The following SYNPR variants were observed in gnomAD, a reference collection of about 807,000 sequenced individuals.
SYNPR encodes the protein synaptoporin.
In SYNPR, 23 loss-of-function variants were observed where a neutral mutation model predicts 32.9. The ratio of observed to expected loss-of-function variants is 0.70; its 90% CI spans 0.50 to 0.99. The LOEUF (loss-of-function observed/expected upper bound fraction) is 0.99. Among genes scored for constraint, SYNPR ranks in the 50% least tolerant of loss-of-function variants. The pLI is 0.00. For missense variants in SYNPR, 318 were observed against 349.3 expected (o/e 0.91, Z 0.71); for synonymous variants, 146 against 135.9 (o/e 1.07, Z -0.52).
chr3:63,252,342 A>G (rs1261157328), intron 1 of SYNPR, among the ~76,000 whole-genome samples: 1 of 152,190 alleles, frequency 6.6e-6, no homozygotes, highest in Non-Finnish European at 1.5e-5. Flanking sequence ...TTGTCTTTAC[A>G]TCATGTTTAG....
chr3:63,494,911 T>C (rs932863398), intron 3 of SYNPR, among the ~76,000 whole-genome samples: 7 of 152,162 alleles, frequency 4.6e-5, no homozygotes, highest in Middle Eastern at 3.2e-3. Context: ...CCTACATTTA[T>C]AGCCTATTCC....
At chr3:63,577,943 C>T (rs1277584056) in intron 4 of SYNPR, among the ~76,000 whole-genome samples, 1 of 152,088 alleles carries the variant, frequency 6.6e-6, no homozygotes, top group Non-Finnish European at 1.5e-5. Flanking sequence ...ATGTTTATTA[C>T]GAGGTAATGG....
At chr3:63,204,708 C>T in the SYNPR span, among the ~76,000 whole-genome samples, 1 of 151,478 alleles carries the variant, frequency 6.6e-6, no homozygotes, top group East Asian at 1.9e-4. Flanking sequence ...TTTTTTGAGA[C>T]AGTCTCGCTC....
At chr3:63,376,511 G>A (rs1255816130) in intron 2 of SYNPR, among the ~76,000 whole-genome samples, 1 of 152,092 alleles carries the variant, frequency 6.6e-6, no homozygotes, top group East Asian at 1.9e-4. Flanking sequence ...ACCACTCTGG[G>A]CTTCTTTTTG....
chr3:63,210,662 A>C, the SYNPR span, among the ~76,000 whole-genome samples: 1 of 152,210 alleles, frequency 6.6e-6, no homozygotes, highest in Non-Finnish European at 1.5e-5. Context: ...GGAATGATGA[A>C]GAGAAGAAGT....
At chr3:63,281,904 C>T (rs369248336) in intron 2 of SYNPR, among the ~76,000 whole-genome samples, 1 of 151,972 alleles carries the variant, frequency 6.6e-6, no homozygotes, top group Non-Finnish European at 1.5e-5. Flanking sequence ...ATGAATTAGC[C>T]AGGGATGGTG....
At chr3:63,480,721 C>T in intron 2 of SYNPR, 111 bp from the exon 3 acceptor site, 1 of 1,389,722 alleles carries the variant, frequency 7.2e-7, no homozygotes, top group Non-Finnish European at 9.7e-7. Flanking sequence ...TGCTCTTCTT[C>T]AGAAGGACCA....
intron 3 of SYNPR, among the ~76,000 whole-genome samples, chr3:63,501,466 G>A (rs1382465027): frequency 1.5e-5 from 2 of 132,420 alleles, no homozygotes; most frequent in Admixed American, 8.6e-5. Flanking sequence ...GTGACAAAGA[G>A]CTACTCTGTC....
intron 4 of SYNPR, among the ~76,000 whole-genome samples, chr3:63,598,557 G>T (rs1322086017): frequency 6.6e-6 from 1 of 152,134 alleles, no homozygotes; most frequent in Admixed American, 6.6e-5. Context: ...CGATTGAGAT[G>T]AATAGCTCAG....
At chr3:63,381,006 C>T (rs974444336) in intron 2 of SYNPR, among the ~76,000 whole-genome samples, 2 of 152,098 alleles carry the variant, frequency 1.3e-5, no homozygotes, top group African/African-American at 2.4e-5. Context: ...ACAGGGATGC[C>T]CTCTCTCACC....
intron 2 of SYNPR, among the ~76,000 whole-genome samples, chr3:63,300,913 A>C (rs947015070): frequency 3.3e-5 from 5 of 152,126 alleles, no homozygotes; most frequent in Admixed American, 6.6e-5. Context: ...ATCTGATCAA[A>C]GATAGGATAA....
At chr3:63,353,521 C>G (rs2087537030) in intron 2 of SYNPR, among the ~76,000 whole-genome samples, 1 of 152,188 alleles carries the variant, frequency 6.6e-6, no homozygotes, top group South Asian at 2.1e-4. Context: ...GTCCACACAG[C>G]CCTAAAGTGG....
chr3:63,615,866 T>G lies in SYNPR; in HGVS notation c.*385T>G. On this transcript the variant is annotated 3_prime_UTR_variant, in exon 6 of 6. Transcript: ENST00000478300. The stretch of plus-strand genomic sequence containing the variant: ...CATTTTGATGTGAAAGATGTTATAA[T>G]AATTTCTAGAAGACAATTTGGTGTA... 1 of 159,788 alleles carries G rather than the reference T, an allele frequency of 6.3e-6. No individual in the cohort carries two copies. Among genetic ancestry groups the G allele is most frequent in the South Asian group, 1.9e-4 (1 of 5,202 alleles). 9.9% of individuals were successfully genotyped at this position (159,788 alleles called of 1,614,324 possible). A position where few individuals can be genotyped will look rare whatever the true frequency, so the allele number is the denominator to read the frequency against.
chr3:63,488,954 G>T (rs1324745259), intron 3 of SYNPR, among the ~76,000 whole-genome samples: 2 of 152,162 alleles, frequency 1.3e-5, no homozygotes, highest in African/African-American at 4.8e-5. Flanking sequence ...CTGTATAATT[G>T]CAAGATTGGA....
intron 1 of SYNPR, among the ~76,000 whole-genome samples, chr3:63,231,097 A>AAGTGCCC (rs1237403821): frequency 6.6e-6 from 1 of 152,176 alleles, no homozygotes; most frequent in Non-Finnish European, 1.5e-5. Context: ...GAACCAACCT[A>AAGTGCCC]AGTGCCCATC....
intron 2 of SYNPR, among the ~76,000 whole-genome samples, chr3:63,290,708 T>A (rs1437653186): frequency 6.6e-6 from 1 of 152,096 alleles, no homozygotes; most frequent in Non-Finnish European, 1.5e-5. Context: ...ATTATGAACA[T>A]CCAAATTCCT....
chr3:63,443,306 G>T, intron 2 of SYNPR: 1 of 1,488,022 alleles, frequency 6.7e-7, no homozygotes, highest in Non-Finnish European at 8.9e-7. Context: ...CCTCTGCATT[G>T]ATTTTCTTCT....
intron 2 of SYNPR, among the ~76,000 whole-genome samples, chr3:63,332,314 C>G (rs2087239618): frequency 6.6e-6 from 1 of 151,928 alleles, no homozygotes; most frequent in Non-Finnish European, 1.5e-5. Flanking sequence ...GCTCTGCCAC[C>G]CTCCATCCTC....
At chr3:63,445,502 G>A in intron 2 of SYNPR, 1 of 690,918 alleles carries the variant, frequency 1.4e-6, no homozygotes, top group Non-Finnish European at 2.6e-6. Context: ...AACAATAAAG[G>A]GATTTTTAAA....
Sources: allele counts gnomAD v4.1 joint callset (sites outside exome capture counted in the v4.1 genomes callset), GRCh38; gene constraint gnomAD v4.1.1; transcripts MANE v1.5; gene names NCBI Gene and HGNC (gene_info 2026-07-23, HGNC 2026-07-21).